The following CLYBL variants were observed in gnomAD, a reference collection of about 807,000 sequenced individuals.
CLYBL encodes citramalyl-CoA lyase.
A neutral mutation model predicts 38.9 loss-of-function variants in CLYBL; 31 were observed. That is an observed-to-expected ratio of 0.80 (90% CI 0.60 to 1.08). CLYBL has a LOEUF of 1.08. CLYBL is among the 50% of genes least tolerant of loss of function. The pLI, the probability that CLYBL is intolerant of heterozygous loss-of-function variation, is 0.00. For synonymous variants in CLYBL, 171 were observed against 158.6 expected (o/e 1.08, Z -0.59); for missense variants, 434 against 411.6 (o/e 1.05, Z -0.47).
intron 1 of CLYBL, among the ~76,000 whole-genome samples, chr13:99,623,821 T>C (rs1460373325): frequency 6.6e-6 from 1 of 151,952 alleles, no homozygotes; most frequent in East Asian, 1.9e-4. Context: ...TAGCCGGGCA[T>C]GGTGGTGCAT....
At chr13:99,809,957 G>A (rs1047544997) in intron 2 of CLYBL, among the ~76,000 whole-genome samples, 2 of 152,196 alleles carry the variant, frequency 1.3e-5, no homozygotes, top group Non-Finnish European at 2.9e-5. Flanking sequence ...AGCTCAAAAC[G>A]CTCAAGAATA....
intron 2 of CLYBL, among the ~76,000 whole-genome samples, chr13:99,844,068 C>T (rs1352942981): frequency 6.6e-6 from 1 of 152,234 alleles, no homozygotes; most frequent in African/African-American, 2.4e-5. Context: ...GGTTGCCGTA[C>T]TGGCCGGGGC....
chr13:99,768,546 G>A (rs1265884819), intron 1 of CLYBL, among the ~76,000 whole-genome samples: 2 of 111,348 alleles, frequency 1.8e-5, no homozygotes, highest in African/African-American at 7.4e-5. Context: ...GAATCTCACT[G>A]TGTCACCCAG....
intron 1 of CLYBL, among the ~76,000 whole-genome samples, chr13:99,635,015 A>C (rs966833861): frequency 6.6e-6 from 1 of 152,098 alleles, no homozygotes; most frequent in Non-Finnish European, 1.5e-5. Flanking sequence ...TCCTGTTCCC[A>C]CACACTGTCT....
At chr13:99,906,179 T>C (rs2052695450) in intron 9 of CLYBL, among the ~76,000 whole-genome samples, 1 of 152,230 alleles carries the variant, frequency 6.6e-6, no homozygotes, top group South Asian at 2.1e-4. Context: ...CCAAATGGAC[T>C]ACAATGAGCA....
intron 1 of CLYBL, among the ~76,000 whole-genome samples, chr13:99,749,188 AAAAAG>A (rs944747338): frequency 9.2e-5 from 14 of 152,096 alleles, no homozygotes; most frequent in African/African-American, 1.7e-4. Context: ...TCAAAAAAAA[AAAAAG>A]AAAAGAAAAG....
chr13:99,718,113 A>G (rs1348107568), intron 1 of CLYBL, among the ~76,000 whole-genome samples: 1 of 152,052 alleles, frequency 6.6e-6, no homozygotes, highest in Non-Finnish European at 1.5e-5. Flanking sequence ...TCCTGGGCTC[A>G]AGTGATCCTC....
intron 1 of CLYBL, among the ~76,000 whole-genome samples, chr13:99,747,993 C>G (rs1027552918): frequency 1.3e-5 from 2 of 152,048 alleles, no homozygotes; most frequent in Non-Finnish European, 2.9e-5. Flanking sequence ...AGTGCAGTGG[C>G]GTTAAATAGT....
intron 8 of CLYBL, chr13:99,892,228 T>C (rs1325527348): frequency 6.6e-6 from 1 of 152,208 alleles, no homozygotes; most frequent in Non-Finnish European, 1.5e-5. Context: ...GTCATAAACT[T>C]GTAGCGTCTC....
At chr13:99,828,617 C>T (rs1034824657) in intron 2 of CLYBL, among the ~76,000 whole-genome samples, 2 of 152,022 alleles carry the variant, frequency 1.3e-5, no homozygotes, top group Non-Finnish European at 2.9e-5. Flanking sequence ...GTTTTCTCTT[C>T]GTCAGTGTTG....
chr13:99,606,826 C>G, intron 1 of CLYBL, 69 bp downstream of exon 1: 1 of 1,303,562 alleles, frequency 7.7e-7, no homozygotes, highest in Non-Finnish European at 9.7e-7. Flanking sequence ...GTTGCAGCCC[C>G]GCGGGCCGGG....
chr13:99,735,448 A>C (rs1219745086), intron 1 of CLYBL, among the ~76,000 whole-genome samples: 1 of 151,878 alleles, frequency 6.6e-6, no homozygotes, highest in Non-Finnish European at 1.5e-5. Flanking sequence ...CTCCCACCTC[A>C]GCCTCCCAAA....
At chr13:99,822,910 A>T (rs1296067142) in intron 2 of CLYBL, among the ~76,000 whole-genome samples, 1 of 152,178 alleles carries the variant, frequency 6.6e-6, no homozygotes, top group Admixed American at 6.5e-5. Context: ...TGACTTTTAA[A>T]TGTAAGATAT....
chr13:99,754,096 A>G (rs2049007773), intron 1 of CLYBL, among the ~76,000 whole-genome samples: 1 of 109,586 alleles, frequency 9.1e-6, no homozygotes, highest in Non-Finnish European at 1.8e-5. Flanking sequence ...TCAAAAAAAA[A>G]AAAAAAAAAA....
At chr13:99,860,489 G>C (rs1396571512) in intron 3 of CLYBL, among the ~76,000 whole-genome samples, 1 of 152,192 alleles carries the variant, frequency 6.6e-6, no homozygotes, top group Non-Finnish European at 1.5e-5. Flanking sequence ...TACTAGTTAA[G>C]AGTATGTTAA....
intron 2 of CLYBL, among the ~76,000 whole-genome samples, chr13:99,780,731 T>TG (rs1491415904): frequency 4.7e-5 from 6 of 128,500 alleles, no homozygotes; most frequent in African/African-American, 1.4e-4. Context: ...TTTTTTTTTT[T>TG]GAAACGTAGT....
intron 2 of CLYBL, among the ~76,000 whole-genome samples, chr13:99,807,255 G>C (rs1334560639): frequency 6.6e-6 from 1 of 152,158 alleles, no homozygotes; most frequent in African/African-American, 2.4e-5. Context: ...GTAGTTGATA[G>C]GTGCGTTCTT....
intron 5 of CLYBL, 72 bp downstream of exon 5, chr13:99,864,983 C>A: frequency 9.0e-7 from 1 of 1,112,110 alleles, no homozygotes; most frequent in Non-Finnish European, 1.4e-6. Context: ...TTTTTCTTTG[C>A]CCCTCAAGGA....
intron 1 of CLYBL, among the ~76,000 whole-genome samples, chr13:99,755,568 A>G (rs2049047665): frequency 6.6e-6 from 1 of 152,178 alleles, no homozygotes; most frequent in Non-Finnish European, 1.5e-5. Context: ...GCTCCCTTGC[A>G]GGCACACTGC....
Sources: gnomAD v4.1 joint callset for allele counts (sites outside exome capture counted in the v4.1 genomes callset) on GRCh38, gnomAD v4.1.1 for gene constraint, MANE v1.5 for transcripts, NCBI Gene and HGNC (gene_info 2026-07-23, HGNC 2026-07-21) for gene names.